The following DLG5 variants were observed in gnomAD, a reference collection of about 807,000 sequenced individuals.
DLG5 encodes the protein discs large MAGUK scaffold protein 5.
In DLG5, 48 loss-of-function variants were observed where a neutral mutation model predicts 189.8. That is an observed-to-expected ratio of 0.25 (90% CI 0.20 to 0.32). The LOEUF (loss-of-function observed/expected upper bound fraction) is 0.32. DLG5 is among the 10% of genes least tolerant of loss of function. DLG5 has a pLI of 1.00. For missense variants in DLG5, 2,160 were observed against 2,544.7 expected (o/e 0.85, Z 3.25); for synonymous variants, 1,016 against 1,054.1 (o/e 0.96, Z 0.70).
chr10:77,817,896 A>C lies in DLG5; in HGVS notation c.3672-7T>G. 2 of 1,550,898 alleles carry C rather than the reference A, an allele frequency of 1.3e-6. No homozygotes were observed. The highest frequency in any genetic ancestry group is 1.7e-6 in the Non-Finnish European group (2 of 1,146,540). On this transcript the variant is annotated splice_polypyrimidine_tract_variant and splice_region_variant and intron_variant, in intron 17 of 31. Transcript: ENST00000372391. ...GCGTCCCTGGTGCTGGACACTGCGTAAAAACAAGAGGTGAGGAGTTCGGGA... is the reference window on the plus strand; with the variant it reads ...GCGTCCCTGGTGCTGGACACTGCGTCAAAACAAGAGGTGAGGAGTTCGGGA...
intron 20 of DLG5, among the ~76,000 whole-genome samples, chr10:77,813,548 C>T (rs1485154301): frequency 6.6e-6 from 1 of 152,190 alleles, no homozygotes; most frequent in Non-Finnish European, 1.5e-5. Context: ...CAGACTACAC[C>T]CACGGTCCCT....
intron 1 of DLG5, among the ~76,000 whole-genome samples, chr10:77,895,123 C>G (rs1452779230): frequency 3.9e-5 from 6 of 152,222 alleles, no homozygotes. Context: ...CTCTGCAGCC[C>G]CAGGCTGCTT....
chr10:77,875,804 A>T (rs1845068261), intron 1 of DLG5, among the ~76,000 whole-genome samples: 2 of 152,006 alleles, frequency 1.3e-5, no homozygotes. Flanking sequence ...GGAGGGAAGA[A>T]AGGTGGCAGG....
chr10:77,811,941 G>A lies in DLG5; in HGVS notation c.4305C>T (p.Ser1435=), dbSNP rs1841794893. 1.1e-5 allele frequency: 18 copies of A among 1,606,950 alleles called. No homozygotes were observed. The highest frequency in any genetic ancestry group is 1.5e-5 in the Non-Finnish European group (18 of 1,179,826). ...GCACTCACCTGGACCGGGAGTGGCT[G>A]CTGAGCTGGTGCACGTGGGGGTTGT... ...AQYNPHVHQL[S]SHSRSSSHLD... is the part of the protein sequence containing the mutation. The change falls in exon 22 of 32, where the codon AGC becomes AGT. Residue 1435 remains serine (S), a synonymous_variant. Transcript: ENST00000372391.
Position 77,807,917 on chromosome 10 carries a change from T to G in DLG5, c.4675A>C (p.Thr1559Pro), listed in dbSNP as rs759496278. The G allele has an allele frequency of 8.1e-6, 13 of 1,614,220 alleles. No individual in the cohort carries two copies. Among genetic ancestry groups the G allele is most frequent in the Non-Finnish European group, 1.1e-5 (13 of 1,180,040 alleles). Residue 1559 changes from threonine (T) to proline (P), a missense_variant, in exon 25 of 32, where the codon ACA (threonine) becomes CCA (proline). Transcript: ENST00000372391. ...EYGSLDVRNKTVEEVYVEMLK... is the reference protein window; with the variant it reads ...EYGSLDVRNKPVEEVYVEMLK... ...ATCTCCACATAGACTTCCTCCACTG[T>G]CTTGTTCCGCACGTCCAGGCTGCCA...
intron 27 of DLG5, among the ~76,000 whole-genome samples, chr10:77,804,266 T>A (rs2579141): frequency 0.26 from 40,054 of 152,156 alleles, 5,782 homozygotes; most frequent in Admixed American, 0.39. Context: ...TAAGCAATTG[T>A]TATCAGCAAA....
intron 1 of DLG5, among the ~76,000 whole-genome samples, chr10:77,917,757 T>C (rs1846406930): frequency 6.6e-6 from 1 of 152,156 alleles, no homozygotes. Context: ...CTGGGCGCAG[T>C]GGCTCACGCC....
intron 27 of DLG5, among the ~76,000 whole-genome samples, chr10:77,802,908 AAAT>A (rs1377759830): frequency 2.0e-5 from 3 of 152,222 alleles, no homozygotes; most frequent in Non-Finnish European, 4.4e-5. Context: ...TCAAAAAATA[AAAT>A]AATAAAAAAA....
upstream of DLG5, chr10:77,928,105 A>C (rs1846748330): frequency 6.6e-6 from 1 of 152,232 alleles, no homozygotes; most frequent in African/African-American, 2.4e-5. Flanking sequence ...CAAGAGTATC[A>C]GAATTTGCAC....
intron 1 of DLG5, among the ~76,000 whole-genome samples, chr10:77,910,515 G>A (rs1463687712): frequency 6.6e-6 from 1 of 152,178 alleles, no homozygotes; most frequent in African/African-American, 2.4e-5. Flanking sequence ...GGAAAAACTA[G>A]CCACGGATCT....
rs771042069 is a variant in DLG5 at position 77,806,784 on chromosome 10, C to A, written c.4941G>T (p.Gln1647His). The change falls in exon 26 of 32, where the codon CAG becomes CAT. Residue 1647 changes from glutamine (Q) to histidine (H), a missense_variant. Gln to His is a conservative substitution (Grantham distance 24, BLOSUM62 0). Around this residue, in one of 5 missense-constraint regions of DLG5, gnomAD observed 574 missense variants for 644.2 expected, o/e 0.89. Transcript: ENST00000372391. ...CATATTTGCTGGGAATCTGCCCGCGCTGGATCTTCTGGGCATTCTCGTCCA... is the reference window on the plus strand; with the variant it reads ...CATATTTGCTGGGAATCTGCCCGCGATGGATCTTCTGGGCATTCTCGTCCA... ...WQLDENAQKI[Q>H]RGQIPSKYVM... The A allele has an allele frequency of 5.6e-6, 9 of 1,613,182 alleles. 1 individual carries two copies. In the South Asian group the frequency reaches 9.9e-5, roughly 18 times the overall value.
At chr10:77,806,713 C>A in intron 26 of DLG5, 45 bp downstream of exon 26, 1 of 1,421,598 alleles carries the variant, frequency 7.0e-7, no homozygotes. Flanking sequence ...TGGTGGCCCT[C>A]GGCGACCCCT....
intron 2 of DLG5, among the ~76,000 whole-genome samples, chr10:77,862,011 T>C (rs1261592183): frequency 1.3e-5 from 2 of 152,146 alleles, no homozygotes; most frequent in Admixed American, 1.3e-4. Context: ...TCATGACCAA[T>C]CTCAAGATGT....
rs528332344 is a variant in DLG5, at chr10:77,831,383, G to A, written c.1749-510C>T. 6.6e-5 allele frequency among the ~76,000 whole-genome samples: 10 copies of A among 151,776 alleles called. No individual in the cohort carries two copies. In the East Asian group the frequency reaches 1.5e-3, roughly 23 times the overall value. ...CGCTGCACTCCAGCCTGGCGACAGA[G>A]TGAAACTCCATCTCAAAAAAAAAAT... On this transcript the variant is annotated intron_variant, in intron 9 of 31. Transcript: ENST00000372391.
At chr10:77,843,338 A>AT in intron 6 of DLG5, 109 bp downstream of exon 6, 1 of 1,389,954 alleles carries the variant, frequency 7.2e-7, no homozygotes, top group Non-Finnish European at 9.7e-7. Flanking sequence ...GGTCAGAAGC[A>AT]TTTTTTGATT....
intron 1 of DLG5, among the ~76,000 whole-genome samples, chr10:77,888,682 C>T (rs903104332): frequency 3.3e-5 from 5 of 152,176 alleles, no homozygotes; most frequent in East Asian, 1.9e-4. Flanking sequence ...GCACCAACAC[C>T]GTGTGCCAAG....
At chr10:77,896,614 G>C (rs181979286) in intron 1 of DLG5, among the ~76,000 whole-genome samples, 2 of 152,156 alleles carry the variant, frequency 1.3e-5, no homozygotes, top group African/African-American at 4.8e-5. Flanking sequence ...GCCAAGGGGG[G>C]GTGGATCACT....
Position 77,853,544 on chromosome 10 carries a change from C to A in DLG5, c.681-7G>T. ...GAGCCGGCTGTGGAGTGTGCTGAAA[C>A]ACCCGGTACATGCTCAGTGAGCCCC... On this transcript the variant is annotated splice_region_variant and splice_polypyrimidine_tract_variant and intron_variant, in intron 4 of 31. Transcript: ENST00000372391. The A allele has an allele frequency of 6.3e-7, 1 of 1,580,144 alleles. No homozygotes were observed.
At position 77,805,852 on chromosome 10, in the gene DLG5, T is replaced by C. The variant is rs1841444113; in HGVS notation, c.4977A>G (p.Gln1659=). The C allele has an allele frequency of 6.2e-7, 1 of 1,612,856 alleles. No homozygotes were observed. The highest frequency in any genetic ancestry group is 8.5e-7 in the Non-Finnish European group (1 of 1,179,088). Reference sequence around the variant, plus strand: ...ACATGCTGAGCCTCCTGGAGAATTCTTGGTCCATCCTGTGGCACAGGGGAC... The same window carrying C: ...ACATGCTGAGCCTCCTGGAGAATTCCTGGTCCATCCTGTGGCACAGGGGAC... ...GQIPSKYVMD[Q]EFSRRLSMSE... The change falls in exon 27 of 32, where the codon CAA becomes CAG. Residue 1659 remains glutamine (Q), a synonymous_variant. Coordinates refer to ENST00000372391, the MANE Select transcript of DLG5 (RefSeq NM_004747.4).
Sources: allele counts gnomAD v4.1 joint callset (sites outside exome capture counted in the v4.1 genomes callset), GRCh38; gene constraint gnomAD v4.1.1; regional missense constraint gnomAD v4.1.1; transcripts MANE v1.5; gene names NCBI Gene and HGNC (gene_info 2026-07-23, HGNC 2026-07-21).